Variants in SLC18A3 observed in about 807,000 individuals in gnomAD.
SLC18A3 encodes solute carrier family 18 member A3.
A neutral mutation model predicts 24.2 loss-of-function variants in SLC18A3; 18 were observed. The ratio of observed to expected loss-of-function variants is 0.74; its 90% CI spans 0.51 to 1.10. The LOEUF is 1.10. Ranked by LOEUF, SLC18A3 falls within the 50% of genes least tolerant of loss-of-function variation. SLC18A3 has a pLI of 0.00. For missense variants in SLC18A3, 744 were observed against 750.7 expected (o/e 0.99, Z 0.10); for synonymous variants, 415 against 355.4 (o/e 1.17, Z -1.89).
In SLC18A3 at chr10:49,611,254, G is replaced by C. The variant is rs769215684; in HGVS notation, c.514G>C (p.Ala172Pro). Residue 172 changes from alanine to proline, a missense_variant, in exon 1 of 1, where the codon GCC (alanine) becomes CCC (proline). Coordinates refer to ENST00000374115, the MANE Select transcript of SLC18A3 (RefSeq NM_003055.3). ...MFASTVLFAFAEDYATLFAAR... is the reference protein window; with the variant it reads ...MFASTVLFAFPEDYATLFAAR... The stretch of plus-strand genomic sequence containing the variant: ...CGCCTCTACAGTCCTGTTCGCCTTC[G>C]CCGAGGACTACGCCACGCTGTTCGC... The C allele has an allele frequency of 3.1e-6, 5 of 1,613,054 alleles. No individual in the cohort carries two copies. The highest frequency in any genetic ancestry group is 4.2e-6 in the Non-Finnish European group (5 of 1,179,990).
In SLC18A3 at chr10:49,611,641, T is replaced by G. The variant is rs1838300416; in HGVS notation, c.901T>G (p.Cys301Gly). 1 of 1,611,928 alleles carries G rather than the reference T, an allele frequency of 6.2e-7. No individual in the cohort carries two copies. Among genetic ancestry groups the G allele is most frequent in the Admixed American group, 1.7e-5 (1 of 60,004 alleles). The change falls in exon 1 of 1, where the codon TGT (cysteine) becomes GGT (glycine). Residue 301 changes from cysteine (C) to glycine (G), a missense_variant. Transcript: ENST00000374115. The part of the protein sequence containing the change: ...IAVVAGALTT[C>G]NIPLAFLEPT... ...CGTGGTGGCCGGCGCGCTCACCACCTGTAACATTCCCCTCGCCTTCCTCGA... is the reference window on the plus strand; with the variant it reads ...CGTGGTGGCCGGCGCGCTCACCACCGGTAACATTCCCCTCGCCTTCCTCGA...
chr10:49,610,924 G>C lies in SLC18A3; in HGVS notation c.184G>C (p.Ala62Pro). Reference protein sequence around the residue: ...VIVPIVPDYIAHMRGGGEGPT... With the variant: ...VIVPIVPDYIPHMRGGGEGPT... Reference sequence around the variant, plus strand: ...CGTGCCCATAGTGCCCGACTACATCGCCCACATGCGCGGGGGCGGCGAGGG... The same window carrying C: ...CGTGCCCATAGTGCCCGACTACATCCCCCACATGCGCGGGGGCGGCGAGGG... The change falls in exon 1 of 1, where the codon GCC becomes CCC. Residue 62 changes from alanine to proline, a missense_variant. Coordinates refer to ENST00000374115, the MANE Select transcript of SLC18A3 (RefSeq NM_003055.3). 2 of 1,611,212 alleles carry C rather than the reference G, an allele frequency of 1.2e-6. No individual in the cohort carries two copies. The highest frequency in any genetic ancestry group is 1.7e-6 in the Non-Finnish European group (2 of 1,178,222).
In SLC18A3 at chr10:49,611,732, G is replaced by T; in HGVS notation, c.992G>T (p.Trp331Leu). 6.2e-7 allele frequency: 1 copy of T among 1,605,854 alleles called. No homozygotes were observed. Among genetic ancestry groups the T allele is most frequent in the South Asian group, 1.1e-5 (1 of 91,092 alleles). Reference protein sequence around the residue: ...AASEWEMGMAWLPAFVPHVLG... With the variant: ...AASEWEMGMALLPAFVPHVLG... ...TCCGAGTGGGAGATGGGCATGGCCT[G>T]GCTGCCGGCCTTCGTGCCTCATGTG... The change falls in exon 1 of 1, where the codon TGG (tryptophan) becomes TTG (leucine). Residue 331 changes from tryptophan (W) to leucine (L), a missense_variant. Trp to Leu is a moderately conservative substitution (Grantham distance 61). This residue lies in a region of SLC18A3 where 566 missense variants were observed against 566.2 expected (regional missense o/e 1.00). Transcript: ENST00000374115.
rs2132689482 is a variant in SLC18A3 at position 49,612,319 on chromosome 10, T to C, written c.1579T>C (p.Tyr527His). The C allele has an allele frequency of 6.3e-7, 1 of 1,598,338 alleles. No individual in the cohort carries two copies. The highest frequency in any genetic ancestry group is 2.2e-5 in the East Asian group (1 of 44,532). ...TGATGCGTGCGAGGACGACTACAACTACTACTACACCCGCAGCTAGCATCC... is the reference window on the plus strand; with the variant it reads ...TGATGCGTGCGAGGACGACTACAACCACTACTACACCCGCAGCTAGCATCC... ...PFDACEDDYN[Y>H]YYTRS is the part of the protein sequence containing the mutation. The change falls in exon 1 of 1, where the codon TAC becomes CAC. Residue 527 changes from tyrosine (Y) to histidine (H), a missense_variant. Physicochemically the swap from Tyr to His is moderately conservative, Grantham distance 83 (BLOSUM62 2). Coordinates refer to ENST00000374115, the MANE Select transcript of SLC18A3 (RefSeq NM_003055.3).
chr10:49,612,664 T>C lies in SLC18A3; in HGVS notation c.*325T>C. On this transcript the variant is annotated 3_prime_UTR_variant, in exon 1 of 1. Transcript: ENST00000374115. The stretch of plus-strand genomic sequence containing the variant: ...CTTCCATTGCTCCCAGTGCCAAACT[T>C]GGGCCGCTGCACCGCGGCGCCTCCG... 3.1e-6 allele frequency: 1 copy of C among 324,894 alleles called. No individual in the cohort carries two copies. 20.1% of individuals were successfully genotyped at this position (324,894 alleles called of 1,614,324 possible). A position where few individuals can be genotyped will look rare whatever the true frequency, so the allele number is the denominator to read the frequency against.
Position 49,611,464 on chromosome 10 carries a change from C to G in SLC18A3, c.724C>G (p.Arg242Gly), listed in dbSNP as rs745662968. The change falls in exon 1 of 1, where the codon CGC (arginine) becomes GGC (glycine). Residue 242 changes from arginine (R) to glycine (G), a missense_variant. Physicochemically the swap from Arg to Gly is moderately radical, Grantham distance 125. Coordinates refer to ENST00000374115, the MANE Select transcript of SLC18A3 (RefSeq NM_003055.3). ...GGILYEFAGK[R>G]VPFLVLAAVS... ...CATCCTCTATGAGTTCGCCGGCAAG[C>G]GCGTGCCCTTCTTGGTGCTAGCTGC... 1 of 1,598,940 alleles carries G rather than the reference C, an allele frequency of 6.3e-7. No individual in the cohort carries two copies. The highest frequency in any genetic ancestry group is 8.5e-7 in the Non-Finnish European group (1 of 1,179,560).
Position 49,611,850 on chromosome 10 carries a change from C to T in SLC18A3, c.1110C>T (p.Ser370=). 1 of 1,605,442 alleles carries T rather than the reference C, an allele frequency of 6.2e-7. No individual in the cohort carries two copies. Among genetic ancestry groups the T allele is most frequent in the East Asian group, 2.2e-5 (1 of 44,874 alleles). The change falls in exon 1 of 1, where the codon AGC becomes AGT. Residue 370 remains serine (S), a synonymous_variant. Transcript: ENST00000374115. ...TTGGGCTGGCTGTGATCGGCGCCAG[C>T]TCGTGCATCGTGCCCGCCTGCCGCT... ...GALGLAVIGA[S]SCIVPACRSF...
At position 49,612,051 on chromosome 10, in the gene SLC18A3, AG is replaced by A; in HGVS notation, c.1312del (p.Val438TrpfsTer38). 6.2e-7 allele frequency: 1 copy of A among 1,613,598 alleles called. No individual in the cohort carries two copies. Among genetic ancestry groups the A allele is most frequent in the Non-Finnish European group, 8.5e-7 (1 of 1,179,960 alleles). On this transcript the variant is annotated frameshift_variant, in exon 1 of 1. Coordinates refer to ENST00000374115, the MANE Select transcript of SLC18A3 (RefSeq NM_003055.3). LOFTEE classifies it high-confidence loss of function. ...YSVAYALGPI[V>X]AGHIVHSLGF... ...CGGTGGCCTACGCGCTCGGGCCCATAGTGGCAGGCCACATTGTGCACTCGCT... is the reference window on the plus strand; with the variant it reads ...CGGTGGCCTACGCGCTCGGGCCCATATGGCAGGCCACATTGTGCACTCGCT...
chr10:49,611,438 G>A lies in SLC18A3; in HGVS notation c.698G>A (p.Gly233Asp), dbSNP rs867611521. Residue 233 changes from glycine to aspartate, a missense_variant, in exon 1 of 1, where the codon GGC (glycine) becomes GAC (aspartate). Coordinates refer to ENST00000374115, the MANE Select transcript of SLC18A3 (RefSeq NM_003055.3). The stretch of plus-strand genomic sequence containing the variant: ...AGCCTAGTGGCCCCGCCCTTCGGGG[G>A]CATCCTCTATGAGTTCGCCGGCAAG... ...FGSLVAPPFG[G>D]ILYEFAGKRV... The A allele has an allele frequency of 2.5e-6, 4 of 1,597,476 alleles. No homozygotes were observed. The highest frequency in any genetic ancestry group is 3.4e-6 in the Non-Finnish European group (4 of 1,179,050).
At position 49,610,647 on chromosome 10, in the gene SLC18A3, C is replaced by G. The variant is rs905172223; in HGVS notation, c.-94C>G. 11 of 1,283,692 alleles carry G rather than the reference C, an allele frequency of 8.6e-6. No individual in the cohort carries two copies. In the East Asian group the frequency reaches 1.4e-4, roughly 16 times the overall value. The allele number at this position is 1,283,692 out of a possible 1,614,324, so 79.5% of individuals were successfully genotyped here. A position where few individuals can be genotyped will look rare whatever the true frequency, so the allele number is the denominator to read the frequency against. ...AGGGGAGTCTGCTCGGCCAGGACAG[C>G]CTCCCCGAAGTCCCGTGCCCTCGCC... On this transcript the variant is annotated 5_prime_UTR_variant, in exon 1 of 1. Transcript: ENST00000374115.
At position 49,610,915 on chromosome 10, in the gene SLC18A3, G is replaced by A. The variant is rs955025798; in HGVS notation, c.175G>A (p.Asp59Asn). The change falls in exon 1 of 1, where the codon GAC becomes AAC. Residue 59 changes from aspartate to asparagine, a missense_variant. Coordinates refer to ENST00000374115, the MANE Select transcript of SLC18A3 (RefSeq NM_003055.3). ...CATGGTCATCGTGCCCATAGTGCCCGACTACATCGCCCACATGCGCGGGGG... is the reference window on the plus strand; with the variant it reads ...CATGGTCATCGTGCCCATAGTGCCCAACTACATCGCCCACATGCGCGGGGG... ...LYMVIVPIVP[D>N]YIAHMRGGGE... 1.9e-6 allele frequency: 3 copies of A among 1,611,832 alleles called. No individual in the cohort carries two copies. The highest frequency in any genetic ancestry group is 2.7e-5 in the African/African-American group (2 of 74,890).
At position 49,611,410 on chromosome 10, in the gene SLC18A3, G is replaced by T. The variant is rs867077697; in HGVS notation, c.670G>T (p.Gly224Ter). ...CGTGGCGCTGGCCTTCATTAGCTTC[G>T]GAAGCCTAGTGGCCCCGCCCTTCGG... ...LGVALAFISF[G>*]SLVAPPFGGI... The change falls in exon 1 of 1, where the codon GGA (glycine) becomes TGA (stop). Residue 224 changes from glycine (G) to a stop codon, truncating the protein, a stop_gained. Coordinates refer to ENST00000374115, the MANE Select transcript of SLC18A3 (RefSeq NM_003055.3). LOFTEE classifies it high-confidence loss of function. 6.3e-7 allele frequency: 1 copy of T among 1,597,904 alleles called. No homozygotes were observed. The highest frequency in any genetic ancestry group is 1.3e-5 in the African/African-American group (1 of 74,886).
Position 49,611,635 on chromosome 10 carries a change from A to G in SLC18A3, c.895A>G (p.Thr299Ala), listed in dbSNP as rs758164809. The change falls in exon 1 of 1, where the codon ACC becomes GCC. Residue 299 changes from threonine to alanine, a missense_variant. Physicochemically the swap from Thr to Ala is moderately conservative, Grantham distance 58. Around this residue, in one of 3 missense-constraint regions of SLC18A3, gnomAD observed 566 missense variants for 566.2 expected, o/e 1.00. Coordinates refer to ENST00000374115, the MANE Select transcript of SLC18A3 (RefSeq NM_003055.3). ...PYIAVVAGAL[T>A]TCNIPLAFLE... ...CATTGCCGTGGTGGCCGGCGCGCTCACCACCTGTAACATTCCCCTCGCCTT... is the reference window on the plus strand; with the variant it reads ...CATTGCCGTGGTGGCCGGCGCGCTCGCCACCTGTAACATTCCCCTCGCCTT... 6.2e-7 allele frequency: 1 copy of G among 1,611,812 alleles called. No individual in the cohort carries two copies. Among genetic ancestry groups the G allele is most frequent in the East Asian group, 2.2e-5 (1 of 44,852 alleles).
Position 49,611,440 on chromosome 10 carries a change from A to T in SLC18A3, c.700A>T (p.Ile234Phe). The change falls in exon 1 of 1, where the codon ATC becomes TTC. Residue 234 changes from isoleucine (I) to phenylalanine (F), a missense_variant. This residue lies in a region of SLC18A3 where 566 missense variants were observed against 566.2 expected (regional missense o/e 1.00). Transcript: ENST00000374115. ...CCTAGTGGCCCCGCCCTTCGGGGGC[A>T]TCCTCTATGAGTTCGCCGGCAAGCG... ...GSLVAPPFGG[I>F]LYEFAGKRVP... 6.3e-7 allele frequency: 1 copy of T among 1,598,176 alleles called. No homozygotes were observed. The highest frequency in any genetic ancestry group is 1.7e-5 in the Admixed American group (1 of 59,806).
chr10:49,612,155 T>C lies in SLC18A3; in HGVS notation c.1415T>C (p.Val472Ala). 6.2e-7 allele frequency: 1 copy of C among 1,611,328 alleles called. No individual in the cohort carries two copies. Among genetic ancestry groups the C allele is most frequent in the Non-Finnish European group, 8.5e-7 (1 of 1,179,804 alleles). Residue 472 changes from valine to alanine, a missense_variant, in exon 1 of 1, where the codon GTG becomes GCG. Val to Ala is a moderately conservative substitution (Grantham distance 64, BLOSUM62 0). Coordinates refer to ENST00000374115, the MANE Select transcript of SLC18A3 (RefSeq NM_003055.3). ...CCCGTCTTGCTGCTGCTCCGCAACG[T>C]GGGCCTCCTGACGCGCTCCCGTTCC... is the stretch of plus-strand genomic sequence containing the variant. Reference protein sequence around the residue: ...YAPVLLLLRNVGLLTRSRSER... With the variant: ...YAPVLLLLRNAGLLTRSRSER...
At position 49,611,739 on chromosome 10, in the gene SLC18A3, G is replaced by T. The variant is rs1323911631; in HGVS notation, c.999G>T (p.Pro333=). ...GGGAGATGGGCATGGCCTGGCTGCC[G>T]GCCTTCGTGCCTCATGTGCTGGGCG... is the stretch of plus-strand genomic sequence containing the variant. The part of the protein sequence containing the change: ...SEWEMGMAWL[P]AFVPHVLGVY... Residue 333 remains proline (P), a synonymous_variant, in exon 1 of 1, where the codon CCG becomes CCT. Coordinates refer to ENST00000374115, the MANE Select transcript of SLC18A3 (RefSeq NM_003055.3). 2 of 1,604,992 alleles carry T rather than the reference G, an allele frequency of 1.2e-6. No homozygotes were observed. The highest frequency in any genetic ancestry group is 1.7e-6 in the Non-Finnish European group (2 of 1,179,938).
rs913848936 is a variant in SLC18A3, at chr10:49,611,458, G to C, written c.718G>C (p.Gly240Arg). 8.1e-6 allele frequency: 13 copies of C among 1,598,554 alleles called. No homozygotes were observed. The highest frequency in any genetic ancestry group is 1.1e-5 in the Non-Finnish European group (13 of 1,179,468). The change falls in exon 1 of 1, where the codon GGC becomes CGC. Residue 240 changes from glycine to arginine, a missense_variant. Gly to Arg is a moderately radical substitution (Grantham distance 125). Transcript: ENST00000374115. ...CGGGGGCATCCTCTATGAGTTCGCCGGCAAGCGCGTGCCCTTCTTGGTGCT... is the reference window on the plus strand; with the variant it reads ...CGGGGGCATCCTCTATGAGTTCGCCCGCAAGCGCGTGCCCTTCTTGGTGCT... ...PFGGILYEFA[G>R]KRVPFLVLAA...
chr10:49,612,107 G>A lies in SLC18A3; in HGVS notation c.1367G>A (p.Gly456Glu), dbSNP rs1838315049. 3 of 1,612,910 alleles carry A rather than the reference G, an allele frequency of 1.9e-6. No homozygotes were observed. Among genetic ancestry groups the A allele is most frequent in the Non-Finnish European group, 2.5e-6 (3 of 1,179,580 alleles). The change falls in exon 1 of 1, where the codon GGA (glycine) becomes GAA (glutamate). Residue 456 changes from glycine to glutamate, a missense_variant. Transcript: ENST00000374115. ...LGFEQLSLGM[G>E]LANLLYAPVL... ...TTTGAGCAGCTCAGCCTTGGCATGG[G>A]ACTGGCCAACCTGCTCTATGCTCCC...
rs1838263343 is a variant in SLC18A3, at chr10:49,610,624, G to C, written c.-117G>C. The C allele has an allele frequency of 1.9e-6, 2 of 1,048,766 alleles. No homozygotes were observed. The highest frequency in any genetic ancestry group is 1.9e-5 in the South Asian group (1 of 52,460). 65.0% of individuals were successfully genotyped at this position (1,048,766 alleles called of 1,614,324 possible). On this transcript the variant is annotated 5_prime_UTR_variant, in exon 1 of 1. Transcript: ENST00000374115. ...AGCTCCGCGGCCACCTGAGGCACAG[G>C]GGAGTCTGCTCGGCCAGGACAGCCT...
Sources: gnomAD v4.1 joint callset for allele counts on GRCh38, gnomAD v4.1.1 for gene constraint, gnomAD v4.1.1 regional missense constraint, MANE v1.5 for transcripts, NCBI Gene and HGNC (gene_info 2026-07-23, HGNC 2026-07-21) for gene names.